Variants in NFKB1 observed in about 807,000 individuals in gnomAD.
The protein encoded by NFKB1 is nuclear factor kappa B subunit 1, also known as nuclear factor NF-kappa-B p105 subunit.
Under a neutral mutation model 105.1 loss-of-function variants are expected in NFKB1, and 9 were observed. That is an observed-to-expected ratio of 0.09 (90% CI 0.05 to 0.15). The LOEUF (loss-of-function observed/expected upper bound fraction) is 0.15. NFKB1 is among the 10% of genes least tolerant of loss of function. NFKB1 has a pLI of 1.00. For missense variants in NFKB1, 830 were observed against 1,203.7 expected, an observed-to-expected ratio of 0.69 and a Z score of 4.59; for synonymous variants, 440 against 442.2, an observed-to-expected ratio of 1.00 and a Z score of 0.06.
chr4:102,561,758 T>C (rs1472041870), intron 5 of NFKB1, among the ~76,000 whole-genome samples: 3 of 152,178 alleles, frequency 2.0e-5, no homozygotes, highest in Non-Finnish European at 2.9e-5. Flanking sequence ...GTGGGGATTA[T>C]CTGAGTTAGC....
At chr4:102,593,695 T>G (rs1553935654) in intron 12 of NFKB1, 127 bp downstream of exon 12, 4 of 856,226 alleles carry the variant, frequency 4.7e-6, no homozygotes, top group Non-Finnish European at 6.4e-6. Flanking sequence ...TAATTAAAAT[T>G]TCCTGACAAA....
chr4:102,555,277 C>T (rs1463628413), intron 5 of NFKB1, among the ~76,000 whole-genome samples: 1 of 152,170 alleles, frequency 6.6e-6, no homozygotes, highest in Non-Finnish European at 1.5e-5. Flanking sequence ...TTTTCTGCTC[C>T]CTCCTTTTTC....
At chr4:102,580,462 G>T in intron 8 of NFKB1, 73 bp from the exon 9 acceptor site, 1 of 1,190,384 alleles carries the variant, frequency 8.4e-7, no homozygotes, top group Admixed American at 1.7e-5. Context: ...CTAAGGGGAG[G>T]GTCCTACCTA....
chr4:102,518,669 G>C (rs1255210210), intron 1 of NFKB1, among the ~76,000 whole-genome samples: 3 of 152,036 alleles, frequency 2.0e-5, no homozygotes, highest in African/African-American at 7.3e-5. Context: ...TAGTTCATCT[G>C]GCCTGGCCTG....
chr4:102,616,620 T>A lies in NFKB1; in HGVS notation c.*26T>A, dbSNP rs1192139924. On this transcript the variant is annotated 3_prime_UTR_variant, in exon 24 of 24. Coordinates refer to ENST00000226574, the MANE Select transcript of NFKB1 (RefSeq NM_003998.4). ...CCTGCTGACAATTTCCCACACCGTG[T>A]AAACCAAAGCCCTAAAATTCCACTG... 6.2e-7 allele frequency: 1 copy of A among 1,609,096 alleles called. No individual in the cohort carries two copies. The highest frequency in any genetic ancestry group is 1.1e-5 in the South Asian group (1 of 90,692).
intron 6 of NFKB1, among the ~76,000 whole-genome samples, chr4:102,569,082 T>G (rs747772055): frequency 1.7e-4 from 26 of 152,114 alleles, no homozygotes; most frequent in Non-Finnish European, 3.5e-4. Flanking sequence ...AGCTGAGAAA[T>G]TTTTGCTTAC....
intron 18 of NFKB1, 26 bp downstream of exon 18, chr4:102,607,345 G>C (rs1281223095): frequency 6.3e-7 from 1 of 1,596,510 alleles, no homozygotes; most frequent in Admixed American, 1.8e-5. Flanking sequence ...ATTTGCTTTT[G>C]CATTAAATTT....
chr4:102,596,678 T>C (rs981082491), intron 14 of NFKB1, among the ~76,000 whole-genome samples: 6 of 152,202 alleles, frequency 3.9e-5, no homozygotes, highest in African/African-American at 1.4e-4. Flanking sequence ...GTCTAGATTC[T>C]GGCTTAACCG....
intron 6 of NFKB1, among the ~76,000 whole-genome samples, chr4:102,569,734 C>T (rs1179846879): frequency 6.6e-6 from 1 of 152,022 alleles, no homozygotes; most frequent in African/African-American, 2.4e-5. Context: ...TCATCTTTCC[C>T]TCAGTATGAA....
At chr4:102,522,579 G>A (rs1359357907) in intron 1 of NFKB1, among the ~76,000 whole-genome samples, 1 of 152,142 alleles carries the variant, frequency 6.6e-6, no homozygotes, top group Non-Finnish European at 1.5e-5. Context: ...GGTTTCGTTT[G>A]AATTTTAAAA....
intron 1 of NFKB1, among the ~76,000 whole-genome samples, chr4:102,520,603 G>A (rs1740506981): frequency 6.6e-6 from 1 of 151,960 alleles, no homozygotes; most frequent in Admixed American, 6.6e-5. Flanking sequence ...TTTAAAACAT[G>A]GAAAATTAGT....
chr4:102,606,743 A>G (rs764975944), intron 17 of NFKB1, 46 bp downstream of exon 17: 34 of 1,558,128 alleles, frequency 2.2e-5, no homozygotes, highest in Non-Finnish European at 2.5e-5. Context: ...TCCACCTTCT[A>G]AATATCTACT....
chr4:102,596,225 T>C lies in NFKB1; in HGVS notation c.1388T>C (p.Ile463Thr), dbSNP rs144132174. The change falls in exon 14 of 24, where the codon ATT (isoleucine) becomes ACT (threonine). Residue 463 changes from isoleucine to threonine, a missense_variant. Transcript: ENST00000226574. ...ACTGTAAACCTCTTTGGGAAAGTTA[T>C]TGAAACCACAGAGCAAGATCAGGAG... ...KNTVNLFGKV[I>T]ETTEQDQEPS... 1.2e-4 allele frequency: 189 copies of C among 1,613,526 alleles called. No homozygotes were observed. In the African/African-American group the frequency reaches 1.9e-3, roughly 17 times the overall value.
chr4:102,611,872 C>A lies in NFKB1; in HGVS notation c.2353-172C>A, dbSNP rs570517468. Among the ~76,000 whole-genome samples the A allele has an allele frequency of 3.7e-4, 57 of 152,336 alleles. No homozygotes were observed. The South Asian group carries it at 4.6e-3, about 12-fold the overall frequency. ...AGAGCCCCTACAGCTGTTCTTCCCCCAAAGGGTACCATATTCTTGGAGGGT... is the reference window on the plus strand; with the variant it reads ...AGAGCCCCTACAGCTGTTCTTCCCCAAAAGGGTACCATATTCTTGGAGGGT... On this transcript the variant is annotated intron_variant, in intron 20 of 23. Transcript: ENST00000226574.
intron 6 of NFKB1, among the ~76,000 whole-genome samples, chr4:102,569,824 G>T (rs1277544662): frequency 6.6e-6 from 1 of 152,018 alleles, no homozygotes; most frequent in Non-Finnish European, 1.5e-5. Flanking sequence ...GCCAAGTCTT[G>T]ATTCTGGTTT....
intron 11 of NFKB1, among the ~76,000 whole-genome samples, chr4:102,587,013 G>T (rs924763811): frequency 1.3e-5 from 2 of 152,212 alleles, no homozygotes; most frequent in African/African-American, 4.8e-5. Flanking sequence ...GATTTGTAGT[G>T]CACTCTATAT....
At chr4:102,575,085 A>T (rs745403987) in intron 6 of NFKB1, among the ~76,000 whole-genome samples, 1 of 152,250 alleles carries the variant, frequency 6.6e-6, no homozygotes, top group Non-Finnish European at 1.5e-5. Flanking sequence ...TTCTATGCAT[A>T]TAAGTATGTC....
intron 5 of NFKB1, among the ~76,000 whole-genome samples, chr4:102,539,236 C>CAAAAAAAAAAAAAAAAAAA (rs550342036): frequency 8.4e-5 from 8 of 95,634 alleles, no homozygotes; most frequent in African/African-American, 3.0e-4. Context: ...GACTCTGTCT[C>CAAAAAAAAAAAAAAAAAAA]AAAAAAAAAA....
At chr4:102,586,275 G>A (rs1181876872) in intron 11 of NFKB1, among the ~76,000 whole-genome samples, 4 of 152,200 alleles carry the variant, frequency 2.6e-5, no homozygotes, top group Non-Finnish European at 5.9e-5. Context: ...GGGAGTCATA[G>A]ATGGGTCTAA....
Sources: allele counts gnomAD v4.1 joint callset (sites outside exome capture counted in the v4.1 genomes callset), GRCh38; gene constraint gnomAD v4.1.1; transcripts MANE v1.5; gene names NCBI Gene and HGNC (gene_info 2026-07-23, HGNC 2026-07-21).